SRCAP: variants seen among roughly 807,000 people sequenced by gnomAD.
SRCAP encodes the protein chromatin remodeling protein SRCAP.
A neutral mutation model predicts 263.1 loss-of-function variants in SRCAP; 46 were observed. That is an observed-to-expected ratio of 0.17 (90% CI 0.14 to 0.22). The LOEUF (loss-of-function observed/expected upper bound fraction) is 0.22. SRCAP is among the 10% of genes least tolerant of loss of function. SRCAP has a pLI of 1.00. For missense variants in SRCAP, 3,695 were observed against 4,181.9 expected, an observed-to-expected ratio of 0.88 and a Z score of 3.21; for synonymous variants, 1,813 against 1,662.1, an observed-to-expected ratio of 1.09 and a Z score of -2.21.
intron 25 of SRCAP, among the ~76,000 whole-genome samples, chr16:30,728,556 G>C (rs2053083991): frequency 6.6e-6 from 1 of 152,178 alleles, no homozygotes; most frequent in Non-Finnish European, 1.5e-5. Flanking sequence ...TGGCGCCTCT[G>C]TATCCTGGTC....
Position 30,704,147 on chromosome 16 carries a change from C to T in SRCAP, c.138C>T (p.Ile46=), listed in dbSNP as rs1463710006. The change falls in exon 4 of 34, where the codon ATC becomes ATT. Residue 46 remains isoleucine, a synonymous_variant. Coordinates refer to ENST00000262518, the MANE Select transcript of SRCAP (RefSeq NM_006662.3). The part of the protein sequence containing the change: ...SSPASSGAGG[I]SPQHIAQDSS... Reference sequence around the variant, plus strand: ...CAGCCTCTAGTGGGGCAGGCGGCATCTCCCCGCAGCACATAGCTCAAGATT... The same window carrying T: ...CAGCCTCTAGTGGGGCAGGCGGCATTTCCCCGCAGCACATAGCTCAAGATT... 1 of 1,614,090 alleles carries T rather than the reference C, an allele frequency of 6.2e-7. No individual in the cohort carries two copies. Among genetic ancestry groups the T allele is most frequent in the African/African-American group, 1.3e-5 (1 of 74,928 alleles).
intron 3 of SRCAP, among the ~76,000 whole-genome samples, chr16:30,703,726 C>T (rs2052794650): frequency 1.3e-5 from 2 of 151,550 alleles, no homozygotes; most frequent in African/African-American, 2.4e-5. Context: ...GAAACCCTGT[C>T]TCTACTAAAA....
chr16:30,710,494 G>T (rs772674899), intron 8 of SRCAP: 1 of 741,122 alleles, frequency 1.3e-6, no homozygotes, highest in Admixed American at 1.7e-5. Flanking sequence ...TTCTCCATAT[G>T]TCTCAAGTGC....
At chr16:30,718,023 GC>G (rs2052970614) in intron 18 of SRCAP, among the ~76,000 whole-genome samples, 1 of 151,180 alleles carries the variant, frequency 6.6e-6, no homozygotes, top group Non-Finnish European at 1.5e-5. Context: ...GCACCACTAT[GC>G]CTGACTGATT....
intron 18 of SRCAP, among the ~76,000 whole-genome samples, chr16:30,716,726 A>G (rs574244252): frequency 2.0e-5 from 3 of 152,320 alleles, no homozygotes; most frequent in African/African-American, 7.2e-5. Context: ...AGAATGATTC[A>G]GCTTACAATT....
chr16:30,719,358 G>A (rs4616297), intron 18 of SRCAP, among the ~76,000 whole-genome samples: 47,729 of 151,148 alleles, frequency 0.32, 8,465 homozygotes, highest in South Asian at 0.68. Flanking sequence ...TGGGATTACA[G>A]GCACGTGCCA....
At position 30,711,096 on chromosome 16, in the gene SRCAP, T is replaced by G. The variant is rs2052885927; in HGVS notation, c.1318+8T>G. 6.2e-7 allele frequency: 1 copy of G among 1,608,098 alleles called. No individual in the cohort carries two copies. The highest frequency in any genetic ancestry group is 1.1e-5 in the South Asian group (1 of 90,414). On this transcript the variant is annotated splice_region_variant and intron_variant, in intron 10 of 33. Coordinates refer to ENST00000262518, the MANE Select transcript of SRCAP (RefSeq NM_006662.3). The stretch of plus-strand genomic sequence containing the variant: ...GCGAGTTGGCTCGAGAAGGTGACAT[T>G]TACCAGACATTTTACTAAGCATCCA...
At chr16:30,730,406 T>G (rs531835603) in intron 27 of SRCAP, among the ~76,000 whole-genome samples, 1 of 152,218 alleles carries the variant, frequency 6.6e-6, no homozygotes, top group South Asian at 2.1e-4. Flanking sequence ...AACGATATTT[T>G]CAGGGACCAG....
In SRCAP at chr16:30,729,201, G is replaced by A. The variant is rs757706667; in HGVS notation, c.5894G>A (p.Arg1965Gln). ...AHRAVLFPQQ[R>Q]LDQLSEIIER... The stretch of plus-strand genomic sequence containing the variant: ...CGGGCTGTACTGTTTCCCCAGCAGC[G>A]ACTAGACCAGCTGTCAGAAATCATT... Residue 1965 changes from arginine to glutamine, a missense_variant, in exon 26 of 34, where the codon CGA becomes CAA. Arg to Gln is a conservative substitution (Grantham distance 43). Coordinates refer to ENST00000262518, the MANE Select transcript of SRCAP (RefSeq NM_006662.3). 13 of 1,610,566 alleles carry A rather than the reference G, an allele frequency of 8.1e-6. No homozygotes were observed. The highest frequency in any genetic ancestry group is 2.2e-5 in the East Asian group (1 of 44,768).
At chr16:30,722,344 T>A (rs2053019331) in intron 22 of SRCAP, 58 bp downstream of exon 22, 1 of 1,570,574 alleles carries the variant, frequency 6.4e-7, no homozygotes, top group Non-Finnish European at 8.6e-7. Context: ...TCTCTTTGTT[T>A]TTGTGACTTT....
chr16:30,715,931 G>T (rs1212605924), intron 16 of SRCAP, 135 bp from the exon 17 acceptor site: 3 of 1,112,058 alleles, frequency 2.7e-6, no homozygotes, highest in Non-Finnish European at 3.8e-6. Context: ...TTGAGGGCTT[G>T]CAGTTGACTC....
rs752737576 is a variant in SRCAP at position 30,713,328 on chromosome 16, A to C, written c.2251A>C (p.Ile751Leu). Residue 751 changes from isoleucine (I) to leucine (L), a missense_variant, in exon 15 of 34, where the codon ATC (isoleucine) becomes CTC (leucine). By Grantham distance (5) the Ile-to-Leu change is conservative. Transcript: ENST00000262518. ...TCTCATTCTGGATGAGGCGCAGAAC[A>C]TCAAGAACTTCAAGTCACAGCGCTG... Reference protein sequence around the residue: ...RYLILDEAQNIKNFKSQRWQS... With the variant: ...RYLILDEAQNLKNFKSQRWQS... 1 of 1,614,158 alleles carries C rather than the reference A, an allele frequency of 6.2e-7. No individual in the cohort carries two copies. The highest frequency in any genetic ancestry group is 1.7e-5 in the Admixed American group (1 of 60,012).
intron 4 of SRCAP, 65 bp from the exon 5 acceptor site, chr16:30,707,118 C>T (rs1242474266): frequency 6.7e-5 from 104 of 1,543,908 alleles, no homozygotes; most frequent in Non-Finnish European, 9.1e-5. Flanking sequence ...CTCAGGAATT[C>T]AGCCGTGGCA....
At chr16:30,716,890 T>G (rs1266112563) in intron 18 of SRCAP, among the ~76,000 whole-genome samples, 2 of 152,252 alleles carry the variant, frequency 1.3e-5, no homozygotes, top group Non-Finnish European at 2.9e-5. Context: ...TTGGATTCTT[T>G]CCACCTTTTG....
At chr16:30,706,579 C>T (rs1408548892) in intron 4 of SRCAP, among the ~76,000 whole-genome samples, 1 of 152,136 alleles carries the variant, frequency 6.6e-6, no homozygotes, top group East Asian at 1.9e-4. Flanking sequence ...CTTTTTTACA[C>T]CTAATCAGTG....
intron 27 of SRCAP, among the ~76,000 whole-genome samples, chr16:30,731,842 C>T (rs1284444416): frequency 6.6e-6 from 1 of 151,562 alleles, no homozygotes; most frequent in Non-Finnish European, 1.5e-5. Context: ...AGGGTGAGAC[C>T]TTGTCTCAAA....
intron 22 of SRCAP, 64 bp downstream of exon 22, chr16:30,722,350 A>G (rs1024520521): frequency 2.7e-5 from 42 of 1,567,428 alleles, no homozygotes; most frequent in Non-Finnish European, 3.6e-5. Context: ...TGTTTTTGTG[A>G]CTTTTTTGAA....
intron 18 of SRCAP, among the ~76,000 whole-genome samples, 164 bp from the exon 19 acceptor site, chr16:30,719,998 A>G (rs915746445): frequency 9.2e-5 from 14 of 152,092 alleles, no homozygotes; most frequent in African/African-American, 2.9e-4. Flanking sequence ...CTTCATGTCC[A>G]TGCGTACCCA....
intron 3 of SRCAP, among the ~76,000 whole-genome samples, chr16:30,703,717 A>G (rs899770522): frequency 4.0e-5 from 6 of 151,524 alleles, no homozygotes; most frequent in African/African-American, 7.3e-5. Flanking sequence ...TAACGTGGTG[A>G]AACCCTGTCT....
Sources: gnomAD v4.1 joint callset for allele counts (sites outside exome capture counted in the v4.1 genomes callset) on GRCh38, gnomAD v4.1.1 for gene constraint, MANE v1.5 for transcripts, NCBI Gene and HGNC (gene_info 2026-07-23, HGNC 2026-07-21) for gene names.